BCL7B: variants seen among roughly 807,000 people sequenced by gnomAD.
BCL7B encodes BAF chromatin remodeling complex subunit BCL7B.
A neutral mutation model predicts 26.5 loss-of-function variants in BCL7B; 11 were observed. That is an observed-to-expected ratio of 0.42 (90% confidence interval 0.26 to 0.69). BCL7B has a LOEUF of 0.69. Ranked by LOEUF, BCL7B falls within the 30% of genes least tolerant of loss-of-function variation. The pLI, the probability that BCL7B is intolerant of heterozygous loss-of-function variation, is 0.28. For synonymous variants in BCL7B, 111 were observed against 107.9 expected (o/e 1.03, Z -0.18); for missense variants, 215 against 264.4 (o/e 0.81, Z 1.30).
At chr7:73,541,926 T>C (rs1791784847) in intron 3 of BCL7B, among the ~76,000 whole-genome samples, 1 of 152,218 alleles carries the variant, frequency 6.6e-6, no homozygotes, top group Non-Finnish European at 1.5e-5. Flanking sequence ...TGGGTGCTTC[T>C]GCCCAGCTGT....
Position 73,537,970 on chromosome 7 carries a change from G to A in BCL7B, c.480C>T (p.Thr160=). ...GTGGAACTGGTTCTTCCTTGGTGAG[G>A]GTAGGAGGTTCATCAGCAACTTCCG... ...PSSEVADEPP[T]LTKEEPVPLE... Residue 160 remains threonine, a synonymous_variant, in exon 5 of 6, where the codon ACC becomes ACT. Transcript: ENST00000223368. The A allele has an allele frequency of 6.2e-7, 1 of 1,605,894 alleles. No individual in the cohort carries two copies. Among genetic ancestry groups the A allele is most frequent in the Non-Finnish European group, 8.5e-7 (1 of 1,176,328 alleles).
At chr7:73,543,040 C>G (rs1342221652) in intron 3 of BCL7B, 2 of 288,642 alleles carry the variant, frequency 6.9e-6, no homozygotes, top group South Asian at 3.1e-5. Flanking sequence ...CCTCTCTGAG[C>G]CTCAGTTTCC....
At chr7:73,538,844 G>GA (rs1369490249) in intron 4 of BCL7B, among the ~76,000 whole-genome samples, 1 of 134,534 alleles carries the variant, frequency 7.4e-6, no homozygotes, top group Non-Finnish European at 1.6e-5. Flanking sequence ...AAAAAGAAAA[G>GA]AAAAAAATTT....
chr7:73,552,079 C>T (rs1792193979), intron 2 of BCL7B, 88 bp downstream of exon 2: 22 of 1,101,962 alleles, frequency 2.0e-5, no homozygotes, highest in South Asian at 1.6e-4. Context: ...GGTGACACAG[C>T]GAGACTCCGT....
At chr7:73,543,718 G>A (rs1554583207) in intron 2 of BCL7B, 74 bp from the exon 3 acceptor site, 2 of 1,205,934 alleles carry the variant, frequency 1.7e-6, no homozygotes, top group African/African-American at 3.0e-5. Context: ...GGTGCTATGT[G>A]ACAGACCACA....
At chr7:73,546,048 C>T (rs950234205) in intron 2 of BCL7B, among the ~76,000 whole-genome samples, 5 of 149,198 alleles carry the variant, frequency 3.4e-5, no homozygotes, top group Admixed American at 1.4e-4. Flanking sequence ...AGGAGAATGG[C>T]GTGAACCCAG....
intron 1 of BCL7B, among the ~76,000 whole-genome samples, chr7:73,552,737 C>T (rs1190534100): frequency 1.3e-5 from 2 of 150,814 alleles, no homozygotes; most frequent in African/African-American, 2.4e-5. Flanking sequence ...ACTGAGATCA[C>T]GCCACCACAC....
intron 2 of BCL7B, among the ~76,000 whole-genome samples, chr7:73,550,417 C>T (rs935336828): frequency 1.1e-4 from 17 of 151,342 alleles, no homozygotes; most frequent in African/African-American, 3.2e-4. Context: ...TGGTGGCAGG[C>T]GCCTGTAATC....
At chr7:73,547,826 C>T (rs62466284) in intron 2 of BCL7B, among the ~76,000 whole-genome samples, 6,995 of 152,042 alleles carry the variant, frequency 0.046, 195 homozygotes, top group Non-Finnish European at 0.066. Flanking sequence ...AGTAAGAAGT[C>T]GGTGCATGAG....
At chr7:73,550,024 G>A (rs1792098616) in intron 2 of BCL7B, among the ~76,000 whole-genome samples, 1 of 152,036 alleles carries the variant, frequency 6.6e-6, no homozygotes, top group South Asian at 2.1e-4. Flanking sequence ...AAGAGTGTTA[G>A]CTTTATATTT....
rs1314154444 is a variant in BCL7B, at chr7:73,557,659, C to G, written c.-81G>C. 655 of 802,696 alleles carry G rather than the reference C, an allele frequency of 8.2e-4. 1 individual carries two copies. The highest frequency in any genetic ancestry group is 9.9e-4 in the Non-Finnish European group (629 of 635,930). 49.7% of individuals were successfully genotyped at this position (802,696 alleles called of 1,614,324 possible). A position where few individuals can be genotyped will look rare whatever the true frequency, so the allele number is the denominator to read the frequency against. Reference sequence around the variant, plus strand: ...CGCGCCTCACGCGCCGCCGCCCGCCCGCCGCCGCCGCAGCGTCACAGCGGC... The same window carrying G: ...CGCGCCTCACGCGCCGCCGCCCGCCGGCCGCCGCCGCAGCGTCACAGCGGC... On this transcript the variant is annotated 5_prime_UTR_variant, in exon 1 of 6. Coordinates refer to ENST00000223368, the MANE Select transcript of BCL7B (RefSeq NM_001707.4).
chr7:73,551,234 T>C (rs191845014), intron 2 of BCL7B, among the ~76,000 whole-genome samples: 4 of 152,356 alleles, frequency 2.6e-5, no homozygotes, highest in Admixed American at 2.6e-4. Flanking sequence ...AATCTGCCAC[T>C]GTAATTCAAA....
intron 2 of BCL7B, among the ~76,000 whole-genome samples, chr7:73,550,260 G>A (rs1723891903): frequency 6.6e-6 from 1 of 152,024 alleles, no homozygotes; most frequent in South Asian, 2.1e-4. Context: ...TCAAAACAAG[G>A]TTGGGCCAGG....
chr7:73,543,868 A>G, intron 2 of BCL7B: 1 of 487,518 alleles, frequency 2.1e-6, no homozygotes, highest in Non-Finnish European at 3.7e-6. Flanking sequence ...ACTGTGAATC[A>G]TAAGCAACAG....
intron 1 of BCL7B, among the ~76,000 whole-genome samples, chr7:73,555,081 T>C (rs1792313095): frequency 6.6e-6 from 1 of 152,100 alleles, no homozygotes; most frequent in South Asian, 2.1e-4. Flanking sequence ...GGTTCAACCA[T>C]ATCAAATTGC....
At position 73,552,520 on chromosome 7, in the gene BCL7B, T is replaced by TGTAA. The variant is rs1231325596; in HGVS notation, c.93-282_93-279dup. ...CAGGCCAGGCGCAGCGGCTCACGCCTGTAAACCCAACACTTTGGGAGACTG... is the reference window on the plus strand; with the variant it reads ...CAGGCCAGGCGCAGCGGCTCACGCCTGTAAGTAAACCCAACACTTTGGGAGACTG... On this transcript the variant is annotated intron_variant, in intron 1 of 5. Transcript: ENST00000223368. 2.0e-5 allele frequency among the ~76,000 whole-genome samples: 3 copies of TGTAA among 151,858 alleles called. No homozygotes were observed. In the East Asian group the frequency reaches 5.8e-4, roughly 29 times the overall value.
chr7:73,557,216 G>C, intron 1 of BCL7B: 1 of 1,059,580 alleles, frequency 9.4e-7, no homozygotes, highest in East Asian at 6.7e-5. Context: ...GGCAGCTCCA[G>C]TCCGGGCCGG....
chr7:73,538,029 G>C lies in BCL7B; in HGVS notation c.437-16C>G, dbSNP rs372746902. On this transcript the variant is annotated splice_polypyrimidine_tract_variant and intron_variant, in intron 4 of 5. Coordinates refer to ENST00000223368, the MANE Select transcript of BCL7B (RefSeq NM_001707.4). ...AGGGAGGGCTCTGAAAAGGCAGTAGGGTCGGCCTGAGGGCAGGGCTCCCCT... is the reference window on the plus strand; with the variant it reads ...AGGGAGGGCTCTGAAAAGGCAGTAGCGTCGGCCTGAGGGCAGGGCTCCCCT... 1 of 1,576,952 alleles carries C rather than the reference G, an allele frequency of 6.3e-7. No homozygotes were observed. The highest frequency in any genetic ancestry group is 1.2e-5 in the South Asian group (1 of 86,624).
chr7:73,540,229 C>CT (rs577654555), intron 3 of BCL7B, 177 bp from the exon 4 acceptor site: 3 of 650,238 alleles, frequency 4.6e-6, no homozygotes, highest in Non-Finnish European at 7.8e-6. Flanking sequence ...CAGCCAGAAT[C>CT]TTTATGTTTA....
Sources: gnomAD v4.1 joint callset for allele counts (sites outside exome capture counted in the v4.1 genomes callset) on GRCh38, gnomAD v4.1.1 for gene constraint, MANE v1.5 for transcripts, NCBI Gene and HGNC (gene_info 2026-07-23, HGNC 2026-07-21) for gene names.